Variants in ANO1 observed in about 807,000 individuals in gnomAD.
ANO1 encodes anoctamin 1.
In ANO1, 59 loss-of-function variants were observed where a neutral mutation model predicts 124.0. That is an observed-to-expected ratio of 0.48 (90% CI 0.39 to 0.59). The LOEUF (loss-of-function observed/expected upper bound fraction) is 0.59, where lower values mean the gene tolerates loss of function less well. ANO1 is among the 20% of genes least tolerant of loss of function. The pLI, the probability that ANO1 is intolerant of heterozygous loss-of-function variation, is 0.00. For synonymous variants in ANO1, 529 were observed against 532.0 expected, an observed-to-expected ratio of 0.99 and a Z score of 0.08; for missense variants, 1,059 against 1,328.0, an observed-to-expected ratio of 0.80 and a Z score of 3.15.
chr11:70,021,836 TGACATTCACAGGCAG>T lies in ANO1; in HGVS notation c.58+35673_58+35687del, dbSNP rs1856815783. Among the ~76,000 whole-genome samples, 2 of 152,160 alleles carry T rather than the reference TGACATTCACAGGCAG, an allele frequency of 1.3e-5. 1 individual carries two copies. The highest frequency in any genetic ancestry group is 1.3e-4 in the Admixed American group (2 of 15,278). Reference sequence around the variant, plus strand: ...GAGCCCCTTCACATCCCACTGCCTGTGACATTCACAGGCAGGAGCGTGCGAACTGAATCCCAAAGA... The same window carrying T: ...GAGCCCCTTCACATCCCACTGCCTGTGAGCGTGCGAACTGAATCCCAAAGA... On this transcript the variant is annotated intron_variant, in intron 1 of 27. Coordinates refer to the ANO1 transcript ENST00000531349.
chr11:70,011,736 T>A (rs1856601270), intron 1 of ANO1, among the ~76,000 whole-genome samples: 1 of 151,940 alleles, frequency 6.6e-6, no homozygotes, highest in South Asian at 2.1e-4. Context: ...TCTTAGATCA[T>A]CCCCTGAAAA....
chr11:70,179,003 G>T (rs1241844408), intron 22 of ANO1, among the ~76,000 whole-genome samples: 1 of 152,206 alleles, frequency 6.6e-6, no homozygotes, highest in Non-Finnish European at 1.5e-5. Context: ...GCCACACAGG[G>T]GCCTGAGCTC....
chr11:70,038,549 C>T (rs991271683), intron 1 of ANO1, among the ~76,000 whole-genome samples: 19 of 152,120 alleles, frequency 1.2e-4, no homozygotes, highest in Admixed American at 3.3e-4. Context: ...TTTGCGACAC[C>T]GAGCACCCAT....
At chr11:69,988,377 C>T (rs1856089767) in intron 1 of ANO1, among the ~76,000 whole-genome samples, 1 of 152,210 alleles carries the variant, frequency 6.6e-6, no homozygotes, top group African/African-American at 2.4e-5. Flanking sequence ...CCTCGGCCAA[C>T]TTACTTAACC....
chr11:70,118,073 C>A lies in ANO1; in HGVS notation c.897+1574C>A, dbSNP rs1166700706. ...GTCCAGCCCCCTTCATCCCTCCGCA[C>A]CCCTCTGGCACTTGGCAGATGCCTA... On this transcript the variant is annotated intron_variant, in intron 8 of 25. Coordinates refer to ENST00000355303, the MANE Select transcript of ANO1 (RefSeq NM_018043.7). 3.3e-5 allele frequency among the ~76,000 whole-genome samples: 5 copies of A among 152,078 alleles called. 1 individual carries two copies. The highest frequency in any genetic ancestry group is 3.3e-4 in the Admixed American group (5 of 15,262).
chr11:70,084,224 A>G (rs2044290473), intron 1 of ANO1, among the ~76,000 whole-genome samples: 1 of 152,064 alleles, frequency 6.6e-6, no homozygotes, highest in African/African-American at 2.4e-5. Flanking sequence ...TTCCCTGCAC[A>G]TGGGCTTCTG....
chr11:70,155,027 C>A (rs2047752493), intron 14 of ANO1, among the ~76,000 whole-genome samples: 1 of 152,222 alleles, frequency 6.6e-6, no homozygotes, highest in Admixed American at 6.5e-5. Context: ...TTCAGGGCGG[C>A]ATCCCGGCCC....
At chr11:70,108,733 C>A (rs1275333563) in intron 6 of ANO1, among the ~76,000 whole-genome samples, 1 of 152,152 alleles carries the variant, frequency 6.6e-6, no homozygotes, top group African/African-American at 2.4e-5. Context: ...CTCTCTTGAC[C>A]CTCACGGTCC....
At position 70,180,050 on chromosome 11, in the gene ANO1, C is replaced by T; in HGVS notation, c.2397C>T (p.Ile799=). ...GAGGCATTGGGAAGCTTGCTGTCAT[C>T]ATCAATGTAAGTGACATCAGGGACC... is the stretch of plus-strand genomic sequence containing the variant. ...ILRGIGKLAV[I]INAFVISFTS... The change falls in exon 23 of 26, where the codon ATC becomes ATT. Residue 799 remains isoleucine (I), a synonymous_variant. Coordinates refer to ENST00000355303, the MANE Select transcript of ANO1 (RefSeq NM_018043.7). The T allele has an allele frequency of 6.2e-7, 1 of 1,612,730 alleles. No homozygotes were observed. The highest frequency in any genetic ancestry group is 8.5e-7 in the Non-Finnish European group (1 of 1,178,822).
At chr11:70,167,895 C>T (rs561765471) in intron 21 of ANO1, among the ~76,000 whole-genome samples, 1 of 152,316 alleles carries the variant, frequency 6.6e-6, no homozygotes, top group African/African-American at 2.4e-5. Flanking sequence ...TTCAAGCATC[C>T]TACTTTGGTT....
At position 70,153,039 on chromosome 11, in the gene ANO1, A is replaced by G. The variant is rs1263967198; in HGVS notation, c.1354-18A>G. On this transcript the variant is annotated intron_variant, in intron 13 of 25. Coordinates refer to ENST00000355303, the MANE Select transcript of ANO1 (RefSeq NM_018043.7). ...CAAAATTAACAAGGACTCTGTCTTG[A>G]CTTGGTTTCATTCACAGGATCATCC... The G allele has an allele frequency of 1.9e-6, 3 of 1,594,780 alleles. No individual in the cohort carries two copies. In the African/African-American group the frequency reaches 4.0e-5, roughly 21 times the overall value.
rs113825527 is a variant in ANO1 at position 69,990,151 on chromosome 11, C to G, written c.58+3985C>G. Among the ~76,000 whole-genome samples the G allele has an allele frequency of 5.3e-3, 804 of 152,254 alleles. 15 individuals are homozygous for G. The highest frequency in any genetic ancestry group is 7.5e-3 in the Non-Finnish European group (510 of 68,034). ...AAACAGTCACTTCCCATTCCCCACC[C>G]CGCCCTGCCTCTCCTAACCCCTGGT... On this transcript the variant is annotated intron_variant, in intron 1 of 27. Coordinates refer to the ANO1 transcript ENST00000531349.
chr11:70,173,110 C>A (rs537914230), intron 22 of ANO1, among the ~76,000 whole-genome samples: 22 of 152,302 alleles, frequency 1.4e-4, no homozygotes, highest in Admixed American at 6.5e-4. Context: ...AAGATAACTT[C>A]AACTCTGGCT....
At chr11:70,015,353 AAAC>A (rs1856685289) in intron 1 of ANO1, 1 of 151,976 alleles carries the variant, frequency 6.6e-6, no homozygotes, top group Non-Finnish European at 1.5e-5. Flanking sequence ...ATTTTTTTTT[AAAC>A]AATCCAGGTG....
At chr11:70,098,577 C>T (rs1466786249) in intron 2 of ANO1, among the ~76,000 whole-genome samples, 3 of 152,100 alleles carry the variant, frequency 2.0e-5, no homozygotes, top group East Asian at 1.9e-4. Context: ...GGGTATGAAG[C>T]GGCCTGTGAG....
At chr11:70,104,635 A>G (rs568449984) in intron 4 of ANO1, among the ~76,000 whole-genome samples, 54 of 152,280 alleles carry the variant, frequency 3.5e-4, no homozygotes, top group African/African-American at 1.2e-3. Flanking sequence ...TATTCTGGAA[A>G]CTTCCCTCCT....
chr11:70,036,297 C>T (rs953558984), intron 1 of ANO1, among the ~76,000 whole-genome samples: 5 of 152,224 alleles, frequency 3.3e-5, no homozygotes, highest in Non-Finnish European at 7.3e-5. Context: ...CCTCTTCTAC[C>T]TGTGTCTCTC....
rs762912868 is a variant in ANO1 at position 70,161,713 on chromosome 11, C to T, written c.1872C>T (p.Tyr624=). The T allele has an allele frequency of 9.9e-6, 16 of 1,614,026 alleles. No individual in the cohort carries two copies. The highest frequency in any genetic ancestry group is 4.4e-5 in the South Asian group (4 of 91,086). ...TGAATTCCTACACCCCCATCTTTTA[C>T]GTGGCGTTCTTCAAAGGCCGGTAGG... ...KFVNSYTPIF[Y]VAFFKGRFVG... The change falls in exon 18 of 26, where the codon TAC becomes TAT. Residue 624 remains tyrosine, a synonymous_variant. Transcript: ENST00000355303.
chr11:70,173,939 A>T (rs1565277672), intron 22 of ANO1, among the ~76,000 whole-genome samples: 1 of 143,594 alleles, frequency 7.0e-6, no homozygotes, highest in Non-Finnish European at 1.5e-5. Flanking sequence ...GGCAGTTTTA[A>T]TTTTTTTTTT....
Sources: gnomAD v4.1 joint callset for allele counts (sites outside exome capture counted in the v4.1 genomes callset) on GRCh38, gnomAD v4.1.1 for gene constraint, MANE v1.5 for transcripts, NCBI Gene and HGNC (gene_info 2026-07-23, HGNC 2026-07-21) for gene names.